Variants in WWOX observed in about 807,000 individuals in gnomAD.
WWOX encodes the protein WW domain-containing oxidoreductase.
In WWOX, 69 loss-of-function variants were observed where a neutral mutation model predicts 46.2. The ratio of observed to expected loss-of-function variants is 1.49; its 90% CI spans 1.23 to 1.82. WWOX has a LOEUF of 1.82. Among genes scored for constraint, WWOX ranks in the 40% most tolerant of loss-of-function variants. The pLI, the probability that WWOX is intolerant of heterozygous loss-of-function variation, is 0.00. For synonymous variants in WWOX, 359 were observed against 202.6 expected (o/e 1.77, Z -6.56); for missense variants, 919 against 542.6 (o/e 1.69, Z -6.89).
rs146562528 is a variant in WWOX, at chr16:78,273,631, G to T, written c.516+109342G>T. 5.3e-4 allele frequency among the ~76,000 whole-genome samples: 81 copies of T among 152,270 alleles called. No individual in the cohort carries two copies. The East Asian group carries it at 0.015, about 29-fold the overall frequency. ...GAAACAACTCTAGTCACCCAGGCAC[G>T]AAATGATGAGCCCTTGAGCAAAAGT... On this transcript the variant is annotated intron_variant, in intron 5 of 8. Transcript: ENST00000566780.
intron 8 of WWOX, among the ~76,000 whole-genome samples, chr16:78,999,679 A>T (rs1191086957): frequency 6.6e-6 from 1 of 152,138 alleles, no homozygotes; most frequent in East Asian, 1.9e-4. Context: ...TTGGTGATAA[A>T]AATGGAGGCC....
At chr16:79,181,409 A>G (rs1335281655) in intron 8 of WWOX, among the ~76,000 whole-genome samples, 1 of 152,178 alleles carries the variant, frequency 6.6e-6, no homozygotes, top group Non-Finnish European at 1.5e-5. Context: ...TACTACAGCA[A>G]TATATGTTAT....
chr16:78,346,923 A>T (rs979100361), intron 5 of WWOX, among the ~76,000 whole-genome samples: 1 of 117,838 alleles, frequency 8.5e-6, no homozygotes, highest in Non-Finnish European at 2.0e-5. Flanking sequence ...ACAGGGTTTC[A>T]CCATGTTGAC....
intron 8 of WWOX, among the ~76,000 whole-genome samples, chr16:78,918,414 C>T (rs1287140965): frequency 2.0e-5 from 3 of 152,016 alleles, no homozygotes; most frequent in African/African-American, 7.3e-5. Flanking sequence ...TTACCTAGGT[C>T]GTGTCCTATC....
chr16:79,089,462 G>C (rs532943007), intron 8 of WWOX, among the ~76,000 whole-genome samples: 3 of 151,826 alleles, frequency 2.0e-5, no homozygotes, highest in Admixed American at 6.6e-5. Flanking sequence ...CTCCCGAGTA[G>C]CTGGGACTAC....
In WWOX at chr16:78,871,670, G is replaced by C. The variant is rs192949615; in HGVS notation, c.1057-339938G>C. On this transcript the variant is annotated intron_variant, in intron 8 of 8. Coordinates refer to ENST00000566780, the MANE Select transcript of WWOX (RefSeq NM_016373.4). ...GCTGGAGTGCAGTAGTGCAATTTCA[G>C]CTCACTGCAACCTCTGCCTTCTGGG... Among the ~76,000 whole-genome samples the C allele has an allele frequency of 3.0e-4, 45 of 152,302 alleles. 1 individual carries two copies. The highest frequency in any genetic ancestry group is 9.9e-4 in the African/African-American group (41 of 41,564).
chr16:78,295,865 T>G lies in WWOX; in HGVS notation c.517-90995T>G, dbSNP rs1368750444. Among the ~76,000 whole-genome samples, 4 of 152,236 alleles carry G rather than the reference T, an allele frequency of 2.6e-5. No individual in the cohort carries two copies. In the East Asian group the frequency reaches 7.7e-4, roughly 29 times the overall value. ...GAACTTCTGGAGTGCAGCCCAAAGA[T>G]CTGCATTTCTAGCAAGTTCCCAGAT... On this transcript the variant is annotated intron_variant, in intron 5 of 8. Coordinates refer to ENST00000566780, the MANE Select transcript of WWOX (RefSeq NM_016373.4).
intron 8 of WWOX, among the ~76,000 whole-genome samples, chr16:78,817,093 A>T (rs1219403121): frequency 7.3e-5 from 11 of 150,796 alleles, no homozygotes. Context: ...AACCCTCTGT[A>T]ATCCCTGGTG....
At chr16:79,126,951 C>A (rs564632107) in intron 8 of WWOX, among the ~76,000 whole-genome samples, 39 of 151,852 alleles carry the variant, frequency 2.6e-4, no homozygotes, top group African/African-American at 8.5e-4. Context: ...ATCACAGTTG[C>A]CTAGAGAAGA....
chr16:78,538,218 CAAAAAAAAAAAAAAAAAA>C (rs67413792), intron 8 of WWOX, among the ~76,000 whole-genome samples: 1 of 60,034 alleles, frequency 1.7e-5, no homozygotes, highest in African/African-American at 7.3e-5. Flanking sequence ...TCACTCACAC[CAAAAAAAAAAAAAAAAAA>C]AAAAAAAAAA....
chr16:78,192,654 G>A (rs2035920420), intron 5 of WWOX, among the ~76,000 whole-genome samples: 1 of 152,120 alleles, frequency 6.6e-6, no homozygotes, highest in African/African-American at 2.4e-5. Flanking sequence ...TTGTCTCACT[G>A]GTGACCGTTT....
At chr16:78,909,870 A>G (rs1356161731) in intron 8 of WWOX, among the ~76,000 whole-genome samples, 5 of 152,216 alleles carry the variant, frequency 3.3e-5, no homozygotes, top group African/African-American at 1.2e-4. Flanking sequence ...GGCACATTGC[A>G]TGCTTATTCC....
At chr16:78,731,834 T>C (rs1037485581) in intron 8 of WWOX, among the ~76,000 whole-genome samples, 1 of 138,672 alleles carries the variant, frequency 7.2e-6, no homozygotes, top group Non-Finnish European at 1.5e-5. Context: ...ATGCCAATTT[T>C]TTTTCTTTCT....
In WWOX at chr16:78,734,392, A is replaced by G. The variant is rs190721304; in HGVS notation, c.1056+301640A>G. ...CTGTTTGGCCCCTAACACCTTCCCT[A>G]TGATAGCCCTAATTGGAATATAGTA... On this transcript the variant is annotated intron_variant, in intron 8 of 8. Transcript: ENST00000566780. Among the ~76,000 whole-genome samples the G allele has an allele frequency of 9.2e-5, 14 of 152,244 alleles. 1 individual carries two copies. The highest frequency in any genetic ancestry group is 2.6e-4 in the African/African-American group (11 of 41,560).
chr16:79,054,707 T>G (rs1402233666), intron 8 of WWOX, among the ~76,000 whole-genome samples: 1 of 152,140 alleles, frequency 6.6e-6, no homozygotes, highest in Non-Finnish European at 1.5e-5. Flanking sequence ...TGTCTGTAAG[T>G]CCTAGCTACT....
At chr16:78,889,473 T>G (rs1254305519) in intron 8 of WWOX, among the ~76,000 whole-genome samples, 1 of 151,694 alleles carries the variant, frequency 6.6e-6, no homozygotes, top group African/African-American at 2.4e-5. Flanking sequence ...ATTCTTGCCC[T>G]TGGCGGTTGA....
intron 8 of WWOX, among the ~76,000 whole-genome samples, chr16:78,607,803 G>T (rs781094945): frequency 1.3e-5 from 2 of 152,014 alleles, no homozygotes; most frequent in Non-Finnish European, 2.9e-5. Flanking sequence ...TCTTTGGAGC[G>T]TGTCTTTTGG....
intron 5 of WWOX, among the ~76,000 whole-genome samples, chr16:78,319,473 G>A (rs1264954438): frequency 1.3e-5 from 2 of 151,910 alleles, no homozygotes; most frequent in East Asian, 3.9e-4. Flanking sequence ...TGTTGCCCAG[G>A]CTGGTCTCAA....
chr16:78,483,861 A>G (rs1049817820), intron 8 of WWOX, among the ~76,000 whole-genome samples: 1 of 152,190 alleles, frequency 6.6e-6, no homozygotes, highest in Non-Finnish European at 1.5e-5. Flanking sequence ...TGATGCAAGC[A>G]TTGACTTTGC....
Sources: gnomAD v4.1 joint callset for allele counts (sites outside exome capture counted in the v4.1 genomes callset) on GRCh38, gnomAD v4.1.1 for gene constraint, MANE v1.5 for transcripts, NCBI Gene and HGNC (gene_info 2026-07-23, HGNC 2026-07-21) for gene names.